Variants in BMP6 observed in about 807,000 individuals in gnomAD.
The protein encoded by BMP6 is bone morphogenetic protein 6.
In BMP6, 17 loss-of-function variants were observed where a neutral mutation model predicts 54.1. The observed-to-expected ratio is 0.31, with a 90% CI of 0.22 to 0.47. The LOEUF (loss-of-function observed/expected upper bound fraction) is 0.47, where lower values mean the gene tolerates loss of function less well. Among genes scored for constraint, BMP6 ranks in the 20% least tolerant of loss-of-function variants. BMP6 has a pLI of 1.00. For missense variants in BMP6, 720 were observed against 690.4 expected (o/e 1.04, Z -0.48); for synonymous variants, 328 against 291.2 (o/e 1.13, Z -1.28).
At chr6:7,811,523 C>T (rs1758435841) in intron 1 of BMP6, among the ~76,000 whole-genome samples, 2 of 152,164 alleles carry the variant, frequency 1.3e-5, no homozygotes, top group South Asian at 4.1e-4. Flanking sequence ...CGGAGAAAAG[C>T]ATTTTCAGTC....
Position 7,871,008 on chromosome 6 carries a change from T to C in BMP6, c.1205-8066T>C, listed in dbSNP as rs181820669. 6.6e-5 allele frequency among the ~76,000 whole-genome samples: 10 copies of C among 152,362 alleles called. No homozygotes were observed. The East Asian group carries it at 1.9e-3, about 29-fold the overall frequency. On this transcript the variant is annotated intron_variant, in intron 4 of 6. Coordinates refer to ENST00000283147, the MANE Select transcript of BMP6 (RefSeq NM_001718.6). ...CTGTATCATGGGCCCCACTTGCCTG[T>C]CCCACACTGTGAGAGGAAACCCATT...
In BMP6 at chr6:7,821,035, G is replaced by A. The variant is rs551755521; in HGVS notation, c.665-24105G>A. ...GCTGTGCGGCCCAATCCCTAACAGG[G>A]CACAGGCCAGTGCCTCGGGTCTGCA... is the stretch of plus-strand genomic sequence containing the variant. On this transcript the variant is annotated intron_variant, in intron 1 of 6. Transcript: ENST00000283147. Among the ~76,000 whole-genome samples, 3 of 152,260 alleles carry A rather than the reference G, an allele frequency of 2.0e-5. 1 individual carries two copies. The highest frequency in any genetic ancestry group is 7.2e-5 in the African/African-American group (3 of 41,468).
chr6:7,728,383 G>A (rs1761786965), intron 1 of BMP6, among the ~76,000 whole-genome samples: 1 of 152,192 alleles, frequency 6.6e-6, no homozygotes, highest in Admixed American at 6.5e-5. Flanking sequence ...GGTAGGGGCC[G>A]GGGTTGGGCG....
chr6:7,856,614 T>TTTTTTTTTTTTTTTTTTTTTTCGG, intron 2 of BMP6, among the ~76,000 whole-genome samples: 1 of 95,162 alleles, frequency 1.1e-5, no homozygotes, highest in Admixed American at 1.1e-4. Context: ...TTTTTTTTTT[T>TTTTTTTTTTTTTTTTTTTTTTCGG]GAGACGGAGT....
intron 1 of BMP6, among the ~76,000 whole-genome samples, chr6:7,750,504 T>C (rs927417): frequency 6.2e-4 from 95 of 152,316 alleles, no homozygotes; most frequent in African/African-American, 2.1e-3. Context: ...ATTCTCACAG[T>C]GACTTTTGCA....
At chr6:7,731,675 A>T (rs1036066028) in intron 1 of BMP6, among the ~76,000 whole-genome samples, 2 of 152,234 alleles carry the variant, frequency 1.3e-5, no homozygotes, top group African/African-American at 4.8e-5. Flanking sequence ...GATTATTTAG[A>T]AAGGGTATAC....
intron 1 of BMP6, among the ~76,000 whole-genome samples, chr6:7,759,380 C>T (rs768233183): frequency 6.6e-6 from 1 of 152,108 alleles, no homozygotes; most frequent in Non-Finnish European, 1.5e-5. Context: ...AAAGTTAGAA[C>T]TCAGCTTTTT....
At chr6:7,814,327 A>G (rs970774152) in intron 1 of BMP6, among the ~76,000 whole-genome samples, 1 of 152,152 alleles carries the variant, frequency 6.6e-6, no homozygotes, top group African/African-American at 2.4e-5. Flanking sequence ...TACTCCTGGG[A>G]ATTAGGGCAA....
At position 7,748,301 on chromosome 6, in the gene BMP6, C is replaced by G. The variant is rs145587543; in HGVS notation, c.664+20682C>G. Reference sequence around the variant, plus strand: ...AAGAGCCTAGCCCAGTGGTTGGTACCTCTTAAGTACTCAGTAGTTAGAAGC... The same window carrying G: ...AAGAGCCTAGCCCAGTGGTTGGTACGTCTTAAGTACTCAGTAGTTAGAAGC... On this transcript the variant is annotated intron_variant, in intron 1 of 6. Coordinates refer to ENST00000283147, the MANE Select transcript of BMP6 (RefSeq NM_001718.6). 6.3e-4 allele frequency among the ~76,000 whole-genome samples: 96 copies of G among 152,190 alleles called. No homozygotes were observed. The East Asian group carries it at 0.01, about 16-fold the overall frequency.
chr6:7,767,126 A>C (rs937169499), intron 1 of BMP6, among the ~76,000 whole-genome samples: 2 of 151,816 alleles, frequency 1.3e-5, no homozygotes, highest in African/African-American at 4.8e-5. Flanking sequence ...AGCTGGGACT[A>C]CAGGTGCCGG....
chr6:7,813,108 A>AAAAAATAT (rs1554122651), intron 1 of BMP6, among the ~76,000 whole-genome samples: 2 of 21,496 alleles, frequency 9.3e-5, no homozygotes, highest in African/African-American at 2.0e-4. Context: ...AAAAAAAAAA[A>AAAAAATAT]ATATATATAT....
intron 1 of BMP6, among the ~76,000 whole-genome samples, chr6:7,834,997 C>T (rs889971438): frequency 3.3e-5 from 5 of 152,122 alleles, no homozygotes; most frequent in Admixed American, 1.3e-4. Flanking sequence ...GCATCTGAGC[C>T]GGGCAGAATG....
chr6:7,861,742 C>T, intron 3 of BMP6, 143 bp downstream of exon 3: 4 of 1,255,170 alleles, frequency 3.2e-6, no homozygotes, highest in African/African-American at 1.5e-5. Context: ...CCATGACTTG[C>T]ATTGAGAACC....
chr6:7,781,082 T>C (rs1757936050), intron 1 of BMP6, among the ~76,000 whole-genome samples: 1 of 152,216 alleles, frequency 6.6e-6, no homozygotes, highest in South Asian at 2.1e-4. Flanking sequence ...CGTGTTGCTG[T>C]CCTTTATTTG....
At chr6:7,781,927 A>G (rs1335943194) in intron 1 of BMP6, among the ~76,000 whole-genome samples, 1 of 151,484 alleles carries the variant, frequency 6.6e-6, no homozygotes, top group Non-Finnish European at 1.5e-5. Context: ...GTGAGTAGTC[A>G]TGAAACGGTT....
At chr6:7,836,995 T>G (rs1758886030) in intron 1 of BMP6, among the ~76,000 whole-genome samples, 1 of 152,200 alleles carries the variant, frequency 6.6e-6, no homozygotes, top group Admixed American at 6.5e-5. Context: ...AAAAAAAATT[T>G]CAAGTTTGGT....
chr6:7,733,084 T>G (rs1314192576), intron 1 of BMP6, among the ~76,000 whole-genome samples: 1 of 152,068 alleles, frequency 6.6e-6, no homozygotes, highest in Non-Finnish European at 1.5e-5. Flanking sequence ...TTTTGTATTT[T>G]TAGTGGAGCT....
intron 4 of BMP6, among the ~76,000 whole-genome samples, chr6:7,876,203 AT>A (rs1464560822): frequency 6.6e-6 from 1 of 152,010 alleles, no homozygotes; most frequent in Non-Finnish European, 1.5e-5. Flanking sequence ...ATATTATTTA[AT>A]TTTTTAATGT....
intron 1 of BMP6, among the ~76,000 whole-genome samples, chr6:7,734,634 C>A (rs1226083811): frequency 6.6e-6 from 1 of 152,214 alleles, no homozygotes; most frequent in Admixed American, 6.5e-5. Flanking sequence ...GGACTGTTGA[C>A]TCCAAAGAAT....
Sources: gnomAD v4.1 joint callset for allele counts (sites outside exome capture counted in the v4.1 genomes callset) on GRCh38, gnomAD v4.1.1 for gene constraint, MANE v1.5 for transcripts, NCBI Gene and HGNC (gene_info 2026-07-23, HGNC 2026-07-21) for gene names.